Variants in TNPO1 observed in about 807,000 individuals in gnomAD.
TNPO1 encodes transportin-1.
Under a neutral mutation model 119.5 loss-of-function variants are expected in TNPO1, and 8 were observed. The observed-to-expected ratio is 0.07, with a 90% CI of 0.04 to 0.12. The LOEUF is 0.12. Among genes scored for constraint, TNPO1 ranks in the 10% least tolerant of loss-of-function variants. The pLI, the probability that TNPO1 is intolerant of heterozygous loss-of-function variation, is 1.00. For synonymous variants in TNPO1, 362 were observed against 363.0 expected, an observed-to-expected ratio of 1.00 and a Z score of 0.03; for missense variants, 576 against 1,089.8, an observed-to-expected ratio of 0.53 and a Z score of 6.64.
chr5:72,872,369 T>TA (rs1747466680), intron 6 of TNPO1, among the ~76,000 whole-genome samples: 2 of 152,184 alleles, frequency 1.3e-5, no homozygotes, highest in Non-Finnish European at 2.9e-5. Context: ...ACCTCCACTC[T>TA]TTATGGGTAT....
At chr5:72,845,218 G>C (rs144275037) in intron 1 of TNPO1, among the ~76,000 whole-genome samples, 2 of 151,938 alleles carry the variant, frequency 1.3e-5, no homozygotes, top group Non-Finnish European at 2.9e-5. Flanking sequence ...AGAAAGCTGA[G>C]CCTTCAACAT....
chr5:72,875,843 A>G, intron 8 of TNPO1, 106 bp downstream of exon 8: 1 of 1,294,174 alleles, frequency 7.7e-7, no homozygotes, highest in Non-Finnish European at 1.0e-6. Flanking sequence ...AATAGTTATA[A>G]TTGTCTTAAA....
At chr5:72,866,045 T>C (rs980863164) in intron 6 of TNPO1, among the ~76,000 whole-genome samples, 2 of 152,230 alleles carry the variant, frequency 1.3e-5, no homozygotes, top group African/African-American at 2.4e-5. Context: ...TTTTTTGTTT[T>C]TGTTTTTGTT....
chr5:72,840,000 G>A (rs1744840046), intron 1 of TNPO1, among the ~76,000 whole-genome samples: 2 of 152,124 alleles, frequency 1.3e-5, no homozygotes, highest in African/African-American at 4.8e-5. Flanking sequence ...TGAAAAATTT[G>A]TGCTCTGAAA....
At chr5:72,867,814 T>C (rs1747037321) in intron 6 of TNPO1, among the ~76,000 whole-genome samples, 1 of 152,244 alleles carries the variant, frequency 6.6e-6, no homozygotes, top group Admixed American at 6.5e-5. Context: ...CATTCATCTG[T>C]ACTGAATCAC....
At position 72,893,120 on chromosome 5, in the gene TNPO1, T is replaced by C; in HGVS notation, c.1789-19T>C. ...CAGTATACCCAGAAAGTTTAGCATG[T>C]GTACTTTATTCTTCCTAGTGCCTAT... On this transcript the variant is annotated intron_variant, in intron 15 of 24. Transcript: ENST00000337273. The C allele has an allele frequency of 6.3e-7, 1 of 1,590,612 alleles. No individual in the cohort carries two copies.
intron 3 of TNPO1, among the ~76,000 whole-genome samples, chr5:72,854,832 T>G (rs577504666): frequency 2.7e-4 from 41 of 152,122 alleles, no homozygotes; most frequent in Non-Finnish European, 4.3e-4. Flanking sequence ...TTTTTAAATG[T>G]TTTTGGAGGT....
intron 9 of TNPO1, among the ~76,000 whole-genome samples, chr5:72,879,903 G>T (rs1397221159): frequency 6.6e-6 from 1 of 152,152 alleles, no homozygotes; most frequent in African/African-American, 2.4e-5. Context: ...AAGCACCATT[G>T]TAGGCTGGGC....
intron 7 of TNPO1, among the ~76,000 whole-genome samples, chr5:72,873,183 T>C (rs915453888): frequency 2.0e-5 from 3 of 152,028 alleles, no homozygotes; most frequent in African/African-American, 7.2e-5. Context: ...TCAGGAAAAA[T>C]AGACTCTTTA....
At chr5:72,869,464 T>C (rs1171028133) in intron 6 of TNPO1, among the ~76,000 whole-genome samples, 2 of 152,122 alleles carry the variant, frequency 1.3e-5, no homozygotes, top group Non-Finnish European at 2.9e-5. Context: ...CGAGAATCAC[T>C]TGAACCCAGG....
In TNPO1 at chr5:72,879,557, A is replaced by G. The variant is rs553199415; in HGVS notation, c.920+2211A>G. ...CCCTACTACTGTGAGAGGCGGTCTC[A>G]CTGTATTGCCCAAGCTGGTCTTGAT... On this transcript the variant is annotated intron_variant, in intron 9 of 24. Coordinates refer to ENST00000337273, the MANE Select transcript of TNPO1 (RefSeq NM_002270.4). Among the ~76,000 whole-genome samples, 87 of 152,278 alleles carry G rather than the reference A, an allele frequency of 5.7e-4. 1 individual carries two copies. Among genetic ancestry groups the G allele is most frequent in the African/African-American group, 1.9e-3 (79 of 41,572 alleles).
At chr5:72,825,901 T>C (rs1227111587) in intron 1 of TNPO1, 2 of 152,240 alleles carry the variant, frequency 1.3e-5, no homozygotes, top group South Asian at 2.1e-4. Flanking sequence ...ACTAAGACAT[T>C]CCCTTTCATT....
intron 1 of TNPO1, among the ~76,000 whole-genome samples, chr5:72,842,234 A>G (rs922887901): frequency 1.3e-5 from 2 of 152,108 alleles, no homozygotes; most frequent in Non-Finnish European, 2.9e-5. Context: ...TCGTATGCAC[A>G]TGGTTGTATT....
intron 4 of TNPO1, among the ~76,000 whole-genome samples, chr5:72,860,440 C>T (rs768985417): frequency 2.6e-5 from 4 of 152,150 alleles, no homozygotes; most frequent in Admixed American, 6.5e-5. Context: ...TAACACGAAA[C>T]CTTTCTGTTG....
At chr5:72,906,631 T>G (rs1750190657) in intron 24 of TNPO1, among the ~76,000 whole-genome samples, 1 of 152,118 alleles carries the variant, frequency 6.6e-6, no homozygotes, top group South Asian at 2.1e-4. Context: ...AAGATTCTGT[T>G]TTAATTTGGG....
intron 3 of TNPO1, among the ~76,000 whole-genome samples, chr5:72,853,710 T>C (rs192781002): frequency 7.9e-5 from 12 of 152,256 alleles, no homozygotes; most frequent in African/African-American, 2.4e-4. Flanking sequence ...GCATGTAGTT[T>C]TCCATTTTAA....
intron 3 of TNPO1, 123 bp downstream of exon 3, chr5:72,851,442 A>G (rs34655): frequency 0.84 from 521,199 of 622,114 alleles, 219,182 homozygotes; most frequent in Non-Finnish European, 0.86. Context: ...GATGTGGGAT[A>G]AACAGTCTTA....
chr5:72,848,208 C>T (rs1745232125), intron 1 of TNPO1, 177 bp from the exon 2 acceptor site: 7 of 1,245,610 alleles, frequency 5.6e-6, no homozygotes, highest in Admixed American at 4.3e-5. Context: ...AGCAGTTCCG[C>T]CGGGTTTCAC....
At position 72,893,492 on chromosome 5, in the gene TNPO1, T is replaced by C. The variant is rs1473077184; in HGVS notation, c.2012T>C (p.Val671Ala). 1 of 1,614,196 alleles carries C rather than the reference T, an allele frequency of 6.2e-7. No individual in the cohort carries two copies. The highest frequency in any genetic ancestry group is 8.5e-7 in the Non-Finnish European group (1 of 1,180,026). ...EGLGGNIEQL[V>A]ARSNILTLMY... Reference sequence around the variant, plus strand: ...CTTGGAGGCAACATTGAACAGCTGGTAGCCCGAAGTAACATCCTGACACTA... The same window carrying C: ...CTTGGAGGCAACATTGAACAGCTGGCAGCCCGAAGTAACATCCTGACACTA... Residue 671 changes from valine (V) to alanine (A), a missense_variant, in exon 17 of 25, where the codon GTA becomes GCA. Coordinates refer to ENST00000337273, the MANE Select transcript of TNPO1 (RefSeq NM_002270.4).
Sources: gnomAD v4.1 joint callset for allele counts (sites outside exome capture counted in the v4.1 genomes callset) on GRCh38, gnomAD v4.1.1 for gene constraint, MANE v1.5 for transcripts, NCBI Gene and HGNC (gene_info 2026-07-23, HGNC 2026-07-21) for gene names.